The following GNA14 variants were observed in gnomAD, a reference collection of about 807,000 sequenced individuals.
GNA14 encodes the protein G protein subunit alpha 14, also known as guanine nucleotide-binding protein subunit alpha-14.
A neutral mutation model predicts 42.0 loss-of-function variants in GNA14; 50 were observed. The ratio of observed to expected loss-of-function variants is 1.19; its 90% CI spans 0.95 to 1.51. The LOEUF is 1.51. GNA14 is among the 40% of genes most tolerant of loss of function. The probability of loss-of-function intolerance (pLI) is 0.00; values close to 1 mark genes in which losing one functional copy is unlikely to be tolerated. For missense variants in GNA14, 473 were observed against 446.2 expected (o/e 1.06, Z -0.54); for synonymous variants, 173 against 163.1 (o/e 1.06, Z -0.46).
chr9:77,624,594 G>A (rs546939965), intron 1 of GNA14, among the ~76,000 whole-genome samples: 2 of 152,316 alleles, frequency 1.3e-5, no homozygotes, highest in Admixed American at 1.3e-4. Context: ...AATCTTTGAT[G>A]TTCTGCCGCC....
intron 1 of GNA14, among the ~76,000 whole-genome samples, chr9:77,581,624 T>C (rs937386643): frequency 2.0e-5 from 3 of 152,202 alleles, no homozygotes; most frequent in African/African-American, 7.2e-5. Context: ...GGTTCGGACA[T>C]TGGTAAAATT....
chr9:77,624,385 G>A (rs2095532468), intron 1 of GNA14, among the ~76,000 whole-genome samples: 1 of 152,296 alleles, frequency 6.6e-6, no homozygotes, highest in East Asian at 1.9e-4. Context: ...CTCTGAAGAG[G>A]ACAGCAGATC....
intron 1 of GNA14, among the ~76,000 whole-genome samples, chr9:77,584,598 A>T (rs936525755): frequency 4.1e-5 from 6 of 145,234 alleles, no homozygotes; most frequent in African/African-American, 1.3e-4. Flanking sequence ...GCCAAGGGGC[A>T]GGGAGGTGTT....
intron 2 of GNA14, chr9:77,518,229 G>T (rs1837292526): frequency 6.6e-6 from 1 of 152,130 alleles, no homozygotes; most frequent in South Asian, 2.1e-4. Flanking sequence ...AAATGACAGG[G>T]CAGGAATTTC....
rs1458310976 is a variant in GNA14, at chr9:77,424,155, C to A, written c.892G>T (p.Val298Phe). 7 of 1,608,984 alleles carry A rather than the reference C, an allele frequency of 4.4e-6. No homozygotes were observed. In the Admixed American group the frequency reaches 1.0e-4, roughly 23 times the overall value. ...FPEYTGPKQD[V>F]RAARDFILKL... Reference sequence around the variant, plus strand: ...AGGATAAAGTCTCTGGCAGCTCTGACATCCTGTTTCGGTCCTAGTCACAAG... The same window carrying A: ...AGGATAAAGTCTCTGGCAGCTCTGAAATCCTGTTTCGGTCCTAGTCACAAG... The change falls in exon 7 of 7, where the codon GTC (valine) becomes TTC (phenylalanine). Residue 298 changes from valine (V) to phenylalanine (F), a missense_variant. Coordinates refer to ENST00000341700, the MANE Select transcript of GNA14 (RefSeq NM_004297.4).
chr9:77,534,646 G>A (rs929242833), intron 1 of GNA14, among the ~76,000 whole-genome samples: 2 of 152,210 alleles, frequency 1.3e-5, no homozygotes, highest in African/African-American at 4.8e-5. Flanking sequence ...ACAAGAATGA[G>A]CACACAGTTC....
At chr9:77,552,870 G>C (rs1364226026) in intron 1 of GNA14, among the ~76,000 whole-genome samples, 1 of 152,130 alleles carries the variant, frequency 6.6e-6, no homozygotes, top group Non-Finnish European at 1.5e-5. Context: ...TTTCCATCCA[G>C]CGTTAAGCAG....
At chr9:77,573,603 G>C (rs1429741255) in intron 1 of GNA14, among the ~76,000 whole-genome samples, 1 of 152,190 alleles carries the variant, frequency 6.6e-6, no homozygotes, top group East Asian at 1.9e-4. Context: ...TGGTGTGACA[G>C]TGGAAGGAGG....
chr9:77,508,925 G>A (rs562366360), intron 2 of GNA14, among the ~76,000 whole-genome samples: 1 of 152,118 alleles, frequency 6.6e-6, no homozygotes, highest in South Asian at 2.1e-4. Flanking sequence ...TAAGAACTTA[G>A]TGAGGGTATT....
chr9:77,575,167 G>A (rs1823109150), intron 1 of GNA14, among the ~76,000 whole-genome samples: 1 of 152,184 alleles, frequency 6.6e-6, no homozygotes, highest in African/African-American at 2.4e-5. Context: ...GGCCCCATTT[G>A]ACTTCATATC....
At chr9:77,467,100 T>C (rs2131718044) in intron 2 of GNA14, among the ~76,000 whole-genome samples, 1 of 151,738 alleles carries the variant, frequency 6.6e-6, no homozygotes, top group Non-Finnish European at 1.5e-5. Context: ...AGCCAGGGAC[T>C]AGTAGCTCAG....
Position 77,532,820 on chromosome 9 carries a change from A to C in GNA14, c.125-3567T>G, listed in dbSNP as rs565825412. Among the ~76,000 whole-genome samples the C allele has an allele frequency of 4.6e-5, 7 of 152,250 alleles. No individual in the cohort carries two copies. In the East Asian group the frequency reaches 1.4e-3, roughly 29 times the overall value. ...CATGTGCTGGTGGAGGGTCCTCTGC[A>C]GCCTGAACGGCTACACACAGTGAAG... On this transcript the variant is annotated intron_variant, in intron 1 of 6. Transcript: ENST00000341700.
chr9:77,463,141 C>T (rs1273217081), intron 2 of GNA14, among the ~76,000 whole-genome samples: 1 of 152,206 alleles, frequency 6.6e-6, no homozygotes, highest in Non-Finnish European at 1.5e-5. Context: ...AGTCCTACTG[C>T]ATCCCCATTG....
rs78026485 is a variant in GNA14 at position 77,442,425 on chromosome 9, A to G, written c.310-7903T>C. ...TGCAATAGTTAATAACTGCTAAGCC[A>G]CCATATAGGGGAAGACAGTGCCCAA... On this transcript the variant is annotated intron_variant, in intron 2 of 6. Transcript: ENST00000341700. Among the ~76,000 whole-genome samples, 1,083 of 152,340 alleles carry G rather than the reference A, an allele frequency of 7.1e-3. 13 individuals are homozygous for G. The highest frequency in any genetic ancestry group is 0.025 in the African/African-American group (1,023 of 41,582).
chr9:77,468,816 C>G (rs1005723277), intron 2 of GNA14, among the ~76,000 whole-genome samples: 4 of 152,210 alleles, frequency 2.6e-5, no homozygotes, highest in African/African-American at 9.6e-5. Context: ...AGCCCTCACC[C>G]CTCTGGCTGG....
chr9:77,576,569 C>T (rs1289694803), intron 1 of GNA14, among the ~76,000 whole-genome samples: 4 of 152,090 alleles, frequency 2.6e-5, no homozygotes, highest in African/African-American at 9.7e-5. Flanking sequence ...AATGGGTTAA[C>T]ATGGTGTCAG....
chr9:77,535,749 A>G (rs1837589240), intron 1 of GNA14, among the ~76,000 whole-genome samples: 2 of 152,090 alleles, frequency 1.3e-5, no homozygotes, highest in Non-Finnish European at 2.9e-5. Flanking sequence ...TTTCACCAGT[A>G]TTCCAGGGGT....
intron 2 of GNA14, among the ~76,000 whole-genome samples, chr9:77,491,228 T>TTTA (rs1236082453): frequency 6.6e-6 from 1 of 152,222 alleles, no homozygotes; most frequent in Admixed American, 6.5e-5. Context: ...CAGTCAGAAA[T>TTTA]TTTAAAATGC....
At chr9:77,514,330 T>C (rs1352977762) in intron 2 of GNA14, among the ~76,000 whole-genome samples, 4 of 152,122 alleles carry the variant, frequency 2.6e-5, no homozygotes, top group African/African-American at 4.8e-5. Context: ...ACCACCTAGA[T>C]GAATCTCTCA....
Sources: allele counts gnomAD v4.1 joint callset (sites outside exome capture counted in the v4.1 genomes callset), GRCh38; gene constraint gnomAD v4.1.1; transcripts MANE v1.5; gene names NCBI Gene and HGNC (gene_info 2026-07-23, HGNC 2026-07-21).